The following C1orf74 variants were observed in gnomAD, a reference collection of about 807,000 sequenced individuals.
C1orf74 encodes UPF0739 protein C1orf74.
A neutral mutation model predicts 7.3 loss-of-function variants in C1orf74; 5 were observed. The observed-to-expected ratio is 0.68, with a 90% confidence interval of 0.36 to 1.44. The LOEUF (loss-of-function observed/expected upper bound fraction) is 1.44, where lower values mean the gene tolerates loss of function less well. C1orf74 is among the 40% of genes most tolerant of loss of function. The probability of loss-of-function intolerance (pLI) is 0.04; values close to 1 mark genes in which losing one functional copy is unlikely to be tolerated. For synonymous variants in C1orf74, 121 were observed against 132.5 expected (o/e 0.91, Z 0.59); for missense variants, 291 against 314.3 (o/e 0.93, Z 0.56).
At position 209,781,424 on chromosome 1, in the gene C1orf74, A is replaced by G. The variant is rs777410653; in HGVS notation, c.*1401T>C. The G allele has an allele frequency of 6.2e-7, 1 of 1,613,502 alleles. No individual in the cohort carries two copies. The highest frequency in any genetic ancestry group is 1.3e-5 in the African/African-American group (1 of 75,048). ...CTGCGTAAGCTGCAGCACTGTCGAG[A>G]AGAGCTGAACCAGAGCCAGCAGCTG... On this transcript the variant is annotated 3_prime_UTR_variant, in exon 2 of 2. Coordinates refer to ENST00000294811, the MANE Select transcript of C1orf74 (RefSeq NM_152485.4).
In C1orf74 at chr1:209,783,621, T is replaced by C. The variant is rs771102329; in HGVS notation, c.14A>G (p.Asp5Gly). 3.7e-5 allele frequency: 59 copies of C among 1,584,380 alleles called. No individual in the cohort carries two copies. The highest frequency in any genetic ancestry group is 1.9e-5 in the Non-Finnish European group (22 of 1,165,808). MLLL[D>G]LMSSPSPQLL... Reference sequence around the variant, plus strand: ...CTGAGGGCTCGGTGATGACATGAGATCTAGAAGCAACATCAAGAATGGCCT... The same window carrying C: ...CTGAGGGCTCGGTGATGACATGAGACCTAGAAGCAACATCAAGAATGGCCT... The change falls in exon 2 of 2, where the codon GAT becomes GGT. Residue 5 changes from aspartate (D) to glycine (G), a missense_variant. Coordinates refer to ENST00000294811, the MANE Select transcript of C1orf74 (RefSeq NM_152485.4).
In C1orf74 at chr1:209,781,916, G is replaced by C. The variant is rs556508372; in HGVS notation, c.*909C>G. 6.5e-5 allele frequency: 42 copies of C among 643,984 alleles called. No individual in the cohort carries two copies. In the East Asian group the frequency reaches 1.1e-3, roughly 17 times the overall value. The allele number at this position is 643,984 out of a possible 1,614,324, so 39.9% of individuals were successfully genotyped here. ...TTATCCCAAGACAGGTGACAAAATG[G>C]GAGACAGAGTAAAAAGCTTTTTCTC... On this transcript the variant is annotated 3_prime_UTR_variant, in exon 2 of 2. Coordinates refer to ENST00000294811, the MANE Select transcript of C1orf74 (RefSeq NM_152485.4).
chr1:209,783,279 C>T lies in C1orf74; in HGVS notation c.356G>A (p.Ser119Asn). 4 of 1,614,182 alleles carry T rather than the reference C, an allele frequency of 2.5e-6. No individual in the cohort carries two copies. Among genetic ancestry groups the T allele is most frequent in the Non-Finnish European group, 3.4e-6 (4 of 1,180,030 alleles). Residue 119 changes from serine (S) to asparagine (N), a missense_variant, in exon 2 of 2, where the codon AGC (serine) becomes AAC (asparagine). Transcript: ENST00000294811. ...LGTIAFVDVSSCQRHPSVCSL... is the reference protein window; with the variant it reads ...LGTIAFVDVSNCQRHPSVCSL... ...GCAGACAGAAGGGTGACGCTGGCAG[C>T]TGGAAACATCCACAAAGGCTATGGT...
chr1:209,780,120 G>A lies in C1orf74; in HGVS notation c.*2705C>T, dbSNP rs1487523361. 6.1e-6 allele frequency: 1 copy of A among 164,328 alleles called. No individual in the cohort carries two copies. Among genetic ancestry groups the A allele is most frequent in the Non-Finnish European group, 1.3e-5 (1 of 76,622 alleles). 10.2% of individuals were successfully genotyped at this position (164,328 alleles called of 1,614,324 possible). ...ATGAGGACATCAGGGAAAAGGGATT[G>A]TATTAAAGCATTTACCAAACTTATT... On this transcript the variant is annotated 3_prime_UTR_variant, in exon 2 of 2. Transcript: ENST00000294811.
In C1orf74 at chr1:209,783,544, G is replaced by A; in HGVS notation, c.91C>T (p.Pro31Ser). The change falls in exon 2 of 2, where the codon CCA (proline) becomes TCA (serine). Residue 31 changes from proline to serine, a missense_variant. By Grantham distance (74) the Pro-to-Ser change is moderately conservative. Coordinates refer to ENST00000294811, the MANE Select transcript of C1orf74 (RefSeq NM_152485.4). Reference sequence around the variant, plus strand: ...AAGTGAAGGCAGATGGCTTGGGGTGGACTCCGTCTCTTTCCCATGCCAAGG... The same window carrying A: ...AAGTGAAGGCAGATGGCTTGGGGTGAACTCCGTCTCTTTCCCATGCCAAGG... Reference protein sequence around the residue: ...QTLGMGKRRSPPQAICLHLAG... With the variant: ...QTLGMGKRRSSPQAICLHLAG... 6.2e-7 allele frequency: 1 copy of A among 1,614,134 alleles called. No homozygotes were observed. Among genetic ancestry groups the A allele is most frequent in the Non-Finnish European group, 8.5e-7 (1 of 1,180,028 alleles).
chr1:209,780,818 T>C lies in C1orf74; in HGVS notation c.*2007A>G, dbSNP rs546800922. 3.1e-5 allele frequency: 11 copies of C among 349,412 alleles called. No homozygotes were observed. In the South Asian group the frequency reaches 9.7e-4, roughly 31 times the overall value. The allele number at this position is 349,412 out of a possible 1,614,324, so 21.6% of individuals were successfully genotyped here. A position where few individuals can be genotyped will look rare whatever the true frequency, so the allele number is the denominator to read the frequency against. ...AACTCCTATTCAAGGTTTTATTAAATGATTACCTTTTAGAAAGTCGACCAA... is the reference window on the plus strand; with the variant it reads ...AACTCCTATTCAAGGTTTTATTAAACGATTACCTTTTAGAAAGTCGACCAA... On this transcript the variant is annotated 3_prime_UTR_variant, in exon 2 of 2. Transcript: ENST00000294811.
Position 209,779,376 on chromosome 1 carries a change from T to C in C1orf74, c.*3449A>G. The C allele has an allele frequency of 2.5e-6, 4 of 1,613,258 alleles. No individual in the cohort carries two copies. In the East Asian group the frequency reaches 6.7e-5, roughly 27 times the overall value. Reference sequence around the variant, plus strand: ...AGGAGAAACTCTTAACAAAGAAAGGTCAGCAAATTTATTACCACAAATTCT... The same window carrying C: ...AGGAGAAACTCTTAACAAAGAAAGGCCAGCAAATTTATTACCACAAATTCT... On this transcript the variant is annotated 3_prime_UTR_variant, in exon 2 of 2. Coordinates refer to ENST00000294811, the MANE Select transcript of C1orf74 (RefSeq NM_152485.4).
chr1:209,780,492 T>G lies in C1orf74; in HGVS notation c.*2333A>C. On this transcript the variant is annotated 3_prime_UTR_variant, in exon 2 of 2. Transcript: ENST00000294811. ...TAGATCAGGCTTTGCCCGTGTGGAG[T>G]CCAAAGTCCTTCCCTAACGAAGTGG... The G allele has an allele frequency of 6.3e-7, 1 of 1,596,218 alleles. No individual in the cohort carries two copies. The highest frequency in any genetic ancestry group is 1.1e-5 in the South Asian group (1 of 89,050).
At position 209,780,643 on chromosome 1, in the gene C1orf74, C is replaced by G. The variant is rs752004329; in HGVS notation, c.*2182G>C. Reference sequence around the variant, plus strand: ...ACCTGAGATAGTGAGGGCTCATTTGCGAAATAGCAGAGAAACCTGGGAGGC... The same window carrying G: ...ACCTGAGATAGTGAGGGCTCATTTGGGAAATAGCAGAGAAACCTGGGAGGC... On this transcript the variant is annotated 3_prime_UTR_variant, in exon 2 of 2. Transcript: ENST00000294811. The G allele has an allele frequency of 6.8e-7, 1 of 1,472,736 alleles. No individual in the cohort carries two copies. The highest frequency in any genetic ancestry group is 9.1e-7 in the Non-Finnish European group (1 of 1,100,104). 91.2% of individuals were successfully genotyped at this position (1,472,736 alleles called of 1,614,324 possible). A position where few individuals can be genotyped will look rare whatever the true frequency, so the allele number is the denominator to read the frequency against.
rs1347713739 is a variant in C1orf74, at chr1:209,782,436, C to G, written c.*389G>C. On this transcript the variant is annotated 3_prime_UTR_variant, in exon 2 of 2. Transcript: ENST00000294811. ...GGAGGCATATAAACATGCAGAAAAGCCCCCAGCCCTACTTTCCTAGCATGC... is the reference window on the plus strand; with the variant it reads ...GGAGGCATATAAACATGCAGAAAAGGCCCCAGCCCTACTTTCCTAGCATGC... 6 of 469,172 alleles carry G rather than the reference C, an allele frequency of 1.3e-5. No homozygotes were observed. The highest frequency in any genetic ancestry group is 3.6e-5 in the Admixed American group (1 of 27,494). The allele number at this position is 469,172 out of a possible 1,614,324, so 29.1% of individuals were successfully genotyped here. A position where few individuals can be genotyped will look rare whatever the true frequency, so the allele number is the denominator to read the frequency against.
rs2077727299 is a variant in C1orf74 at position 209,779,344 on chromosome 1, C to G, written c.*3481G>C. On this transcript the variant is annotated 3_prime_UTR_variant, in exon 2 of 2. Transcript: ENST00000294811. ...GCTTCAAAATCAATCCTTACAGCTT[C>G]AAGAACAGGAGAAACTCTTAACAAA... is the stretch of plus-strand genomic sequence containing the variant. The G allele has an allele frequency of 1.2e-6, 2 of 1,614,014 alleles. No individual in the cohort carries two copies. The highest frequency in any genetic ancestry group is 1.7e-6 in the Non-Finnish European group (2 of 1,179,988).
At position 209,780,946 on chromosome 1, in the gene C1orf74, G is replaced by A; in HGVS notation, c.*1879C>T. ...TCTTAAAGAGTAAAACTCTTCCTTT[G>A]TACATACTCACAAACATACACATCC... On this transcript the variant is annotated 3_prime_UTR_variant, in exon 2 of 2. Transcript: ENST00000294811. 5.4e-6 allele frequency: 1 copy of A among 185,486 alleles called. No individual in the cohort carries two copies. The highest frequency in any genetic ancestry group is 1.1e-5 in the Non-Finnish European group (1 of 89,066). 11.5% of individuals were successfully genotyped at this position (185,486 alleles called of 1,614,324 possible). A position where few individuals can be genotyped will look rare whatever the true frequency, so the allele number is the denominator to read the frequency against.
rs1394568501 is a variant in C1orf74 at position 209,779,311 on chromosome 1, A to G, written c.*3514T>C. ...ATAGACAAGTTCCTTGTGTTTTCCAACAGGTTTGCTTCAAAATCAATCCTT... is the reference window on the plus strand; with the variant it reads ...ATAGACAAGTTCCTTGTGTTTTCCAGCAGGTTTGCTTCAAAATCAATCCTT... On this transcript the variant is annotated 3_prime_UTR_variant, in exon 2 of 2. Coordinates refer to ENST00000294811, the MANE Select transcript of C1orf74 (RefSeq NM_152485.4). 6.2e-7 allele frequency: 1 copy of G among 1,614,038 alleles called. No homozygotes were observed. The highest frequency in any genetic ancestry group is 8.5e-7 in the Non-Finnish European group (1 of 1,179,884).
chr1:209,782,237 T>C lies in C1orf74; in HGVS notation c.*588A>G. Reference sequence around the variant, plus strand: ...GGTTTGGGTACATTACAGCTTGGGTTTTCCAACTGACTTAGGATTTCTGAC... The same window carrying C: ...GGTTTGGGTACATTACAGCTTGGGTCTTCCAACTGACTTAGGATTTCTGAC... On this transcript the variant is annotated 3_prime_UTR_variant, in exon 2 of 2. Transcript: ENST00000294811. 1 of 1,001,878 alleles carries C rather than the reference T, an allele frequency of 1.0e-6. No homozygotes were observed. The highest frequency in any genetic ancestry group is 1.6e-6 in the Non-Finnish European group (1 of 629,282). The allele number at this position is 1,001,878 out of a possible 1,614,324, so 62.1% of individuals were successfully genotyped here. A position where few individuals can be genotyped will look rare whatever the true frequency, so the allele number is the denominator to read the frequency against.
chr1:209,780,695 T>A lies in C1orf74; in HGVS notation c.*2130A>T. 1 of 1,303,040 alleles carries A rather than the reference T, an allele frequency of 7.7e-7. No individual in the cohort carries two copies. The allele number at this position is 1,303,040 out of a possible 1,614,324, so 80.7% of individuals were successfully genotyped here. A position where few individuals can be genotyped will look rare whatever the true frequency, so the allele number is the denominator to read the frequency against. On this transcript the variant is annotated 3_prime_UTR_variant, in exon 2 of 2. Coordinates refer to ENST00000294811, the MANE Select transcript of C1orf74 (RefSeq NM_152485.4). ...GTCAAAAAGCAGGGATTTCAAAGTT[T>A]AAGTTGTGAGTGGATAACCACAGAC...
rs964319522 is a variant in C1orf74, at chr1:209,780,292, C to G, written c.*2533G>C. 6.9e-5 allele frequency: 33 copies of G among 478,910 alleles called. No homozygotes were observed. Among genetic ancestry groups the G allele is most frequent in the African/African-American group, 6.5e-4 (33 of 50,702 alleles). The allele number at this position is 478,910 out of a possible 1,614,324, so 29.7% of individuals were successfully genotyped here. ...GGAGCTCAGATTCCAGCTGTCTGTC[C>G]AAGCTTAGCAGGGGCCTACTGGAAG... On this transcript the variant is annotated 3_prime_UTR_variant, in exon 2 of 2. Transcript: ENST00000294811.
chr1:209,782,985 A>G lies in C1orf74; in HGVS notation c.650T>C (p.Leu217Pro). 1.2e-6 allele frequency: 2 copies of G among 1,614,222 alleles called. No homozygotes were observed. Among genetic ancestry groups the G allele is most frequent in the African/African-American group, 2.7e-5 (2 of 75,050 alleles). Residue 217 changes from leucine to proline, a missense_variant, in exon 2 of 2, where the codon CTG becomes CCG. By Grantham distance (98) the Leu-to-Pro change is moderately conservative. Coordinates refer to ENST00000294811, the MANE Select transcript of C1orf74 (RefSeq NM_152485.4). Reference protein sequence around the residue: ...ISWLLGQPPILLYSFSVPESL... With the variant: ...ISWLLGQPPIPLYSFSVPESL... Reference sequence around the variant, plus strand: ...CTCTGGGACACTAAAAGAATAGAGCAGGATTGGGGGTTGACCTAGCAACCA... The same window carrying G: ...CTCTGGGACACTAAAAGAATAGAGCGGGATTGGGGGTTGACCTAGCAACCA...
intron 1 of C1orf74, 137 bp from the exon 2 acceptor site, chr1:209,783,846 A>C: frequency 2.0e-6 from 1 of 488,986 alleles, no homozygotes; most frequent in Non-Finnish European, 3.7e-6. Flanking sequence ...ATGCTGCTTG[A>C]TTTTTCTGGT....
rs752918688 is a variant in C1orf74 at position 209,783,017 on chromosome 1, C to A, written c.618G>T (p.Arg206=). ...GGGGTTGACCTAGCAACCATGAGAT[C>A]CGGGCAGTGAATACTCGTAGTGGAG... ...ALTPLRVFTA[R]ISWLLGQPPI... is the part of the protein sequence containing the mutation. Residue 206 remains arginine (R), a synonymous_variant, in exon 2 of 2, where the codon CGG becomes CGT. Transcript: ENST00000294811. The A allele has an allele frequency of 6.2e-7, 1 of 1,614,144 alleles. No homozygotes were observed. Among genetic ancestry groups the A allele is most frequent in the South Asian group, 1.1e-5 (1 of 91,070 alleles).
Sources: gnomAD v4.1 joint callset for allele counts on GRCh38, gnomAD v4.1.1 for gene constraint, MANE v1.5 for transcripts, NCBI Gene and HGNC (gene_info 2026-07-23, HGNC 2026-07-21) for gene names.